TENM2: variants seen among roughly 807,000 people sequenced by gnomAD.
The protein encoded by TENM2 is teneurin transmembrane protein 2.
TENM2 carries 52 observed loss-of-function variants against 245.2 expected under a neutral mutation model. The observed-to-expected ratio is 0.21, with a 90% confidence interval of 0.17 to 0.27. The LOEUF (loss-of-function observed/expected upper bound fraction) is 0.27. Ranked by LOEUF, TENM2 falls within the 10% of genes least tolerant of loss-of-function variation. The pLI, the probability that TENM2 is intolerant of heterozygous loss-of-function variation, is 1.00. For synonymous variants in TENM2, 1,363 were observed against 1,438.9 expected, an observed-to-expected ratio of 0.95 and a Z score of 1.19; for missense variants, 3,046 against 3,666.8, an observed-to-expected ratio of 0.83 and a Z score of 4.37.
intron 2 of TENM2, among the ~76,000 whole-genome samples, chr5:167,520,301 T>C (rs1770669317): frequency 6.6e-6 from 1 of 152,194 alleles, no homozygotes; most frequent in South Asian, 2.1e-4. Flanking sequence ...ACAAAGTGGT[T>C]ATGAAACAGC....
At chr5:167,439,526 A>G (rs1326446293) in intron 2 of TENM2, among the ~76,000 whole-genome samples, 1 of 152,236 alleles carries the variant, frequency 6.6e-6, no homozygotes, top group Non-Finnish European at 1.5e-5. Flanking sequence ...AAGTCAAAGC[A>G]TGAATTAATA....
intron 13 of TENM2, 35 bp downstream of exon 15, chr5:168,162,792 A>G: frequency 6.2e-7 from 1 of 1,607,304 alleles, no homozygotes; most frequent in Non-Finnish European, 8.5e-7. Flanking sequence ...AGCCCCTAAG[A>G]GCAGAGCGTT....
the TENM2 span, among the ~76,000 whole-genome samples, chr5:167,191,258 AAAT>A: frequency 1.3e-5 from 2 of 152,062 alleles, no homozygotes; most frequent in Non-Finnish European, 2.9e-5. Context: ...GTTATCCACA[AAAT>A]AATATTTCAT....
intron 2 of TENM2, among the ~76,000 whole-genome samples, chr5:167,706,027 T>C (rs1431096017): frequency 6.9e-6 from 1 of 145,196 alleles, no homozygotes; most frequent in Non-Finnish European, 1.5e-5. Flanking sequence ...TTATATTATA[T>C]ATTATATATA....
chr5:167,059,743 G>A, the TENM2 span, among the ~76,000 whole-genome samples: 23,631 of 138,862 alleles, frequency 0.17, 2,766 homozygotes, highest in East Asian at 0.39. Context: ...TGCTCTTGTC[G>A]CCCAGGCTGG....
intron 2 of TENM2, among the ~76,000 whole-genome samples, chr5:167,411,667 C>A (rs2127405546): frequency 6.6e-6 from 1 of 151,536 alleles, no homozygotes; most frequent in Non-Finnish European, 1.5e-5. Context: ...CTTAAAATAT[C>A]TCTACAGGAT....
At chr5:168,120,104 C>T (rs1181845921) in intron 10 of TENM2, among the ~76,000 whole-genome samples, 2 of 152,162 alleles carry the variant, frequency 1.3e-5, no homozygotes, top group African/African-American at 2.4e-5. Context: ...CGCATTTCAT[C>T]GTTTTTAGAA....
intron 7 of TENM2, among the ~76,000 whole-genome samples, chr5:168,062,744 C>G (rs761330331): frequency 6.6e-6 from 1 of 152,180 alleles, no homozygotes; most frequent in Non-Finnish European, 1.5e-5. Context: ...TTTAAAAACA[C>G]TATGCAAAGT....
chr5:167,379,536 A>G (rs1760966992), intron 2 of TENM2, among the ~76,000 whole-genome samples: 2 of 152,166 alleles, frequency 1.3e-5, no homozygotes, highest in African/African-American at 4.8e-5. Context: ...TCTTAAGTAA[A>G]CACAAACTAA....
intron 2 of TENM2, among the ~76,000 whole-genome samples, chr5:167,828,570 T>G (rs1202952778): frequency 5.9e-5 from 9 of 152,146 alleles, no homozygotes; most frequent in Admixed American, 5.9e-4. Context: ...GTTTAATGAG[T>G]CCTTGAACTC....
intron 2 of TENM2, among the ~76,000 whole-genome samples, chr5:167,612,148 G>A (rs1051444194): frequency 1.3e-5 from 2 of 152,086 alleles, no homozygotes; most frequent in Admixed American, 1.3e-4. Flanking sequence ...GAGTTCCAGT[G>A]TCTGACTCTG....
At chr5:167,620,549 C>CTTTTTTTTTTTTTTTTTTTTTTTTTGTT (rs11455974) in intron 2 of TENM2, among the ~76,000 whole-genome samples, 2 of 73,314 alleles carry the variant, frequency 2.7e-5, no homozygotes, top group Admixed American at 2.2e-4. Flanking sequence ...TGCTTTTTGG[C>CTTTTTTTTTTTTTTTTTTTTTTTTTGTT]TTTTTTTTTT....
At chr5:167,213,499 G>A in the TENM2 span, among the ~76,000 whole-genome samples, 5 of 152,146 alleles carry the variant, frequency 3.3e-5, no homozygotes, top group Non-Finnish European at 7.4e-5. Context: ...GCCCCACCTA[G>A]TAACACCAAT....
intron 13 of TENM2, among the ~76,000 whole-genome samples, chr5:168,171,561 CA>C (rs1178993210): frequency 5.9e-5 from 9 of 152,074 alleles, no homozygotes; most frequent in Admixed American, 2.0e-4. Flanking sequence ...TGTAATTGAC[CA>C]TTGAATTAGT....
intron 2 of TENM2, among the ~76,000 whole-genome samples, chr5:167,861,250 C>T (rs1482570389): frequency 2.6e-5 from 4 of 152,122 alleles, no homozygotes; most frequent in African/African-American, 7.2e-5. Context: ...GCAAAGGCCT[C>T]TCAGGGTTGT....
intron 2 of TENM2, among the ~76,000 whole-genome samples, chr5:167,674,723 T>A (rs1756198219): frequency 6.6e-6 from 1 of 152,080 alleles, no homozygotes; most frequent in East Asian, 1.9e-4. Flanking sequence ...TAGTAAGTAT[T>A]CAGAATGTGG....
intron 1 of TENM2, among the ~76,000 whole-genome samples, chr5:167,313,896 T>A (rs1013561402): frequency 6.6e-6 from 1 of 152,172 alleles, no homozygotes; most frequent in Admixed American, 6.5e-5. Flanking sequence ...TCAATCCCAT[T>A]TGGAGTAAAG....
chr5:168,250,868 A>G (rs1248493840), intron 27 of TENM2, among the ~76,000 whole-genome samples: 2 of 152,210 alleles, frequency 1.3e-5, no homozygotes, highest in African/African-American at 4.8e-5. Flanking sequence ...ACACACATAT[A>G]TAGTATTAAT....
chr5:167,487,261 CAGGGAA>C (rs1768131153), intron 2 of TENM2, among the ~76,000 whole-genome samples: 1 of 152,038 alleles, frequency 6.6e-6, no homozygotes, highest in African/African-American at 2.4e-5. Flanking sequence ...GCACAATCAT[CAGGGAA>C]ATTATCTGTG....
Sources: gnomAD v4.1 joint callset for allele counts (sites outside exome capture counted in the v4.1 genomes callset) on GRCh38, gnomAD v4.1.1 for gene constraint, MANE v1.5 for transcripts, NCBI Gene and HGNC (gene_info 2026-07-23, HGNC 2026-07-21) for gene names.